Variants in NOL10 observed in about 807,000 individuals in gnomAD.
NOL10 encodes nucleolar protein 10, also known as H_NH0074G24.1.
Under a neutral mutation model 103.5 loss-of-function variants are expected in NOL10, and 58 were observed. That is an observed-to-expected ratio of 0.56 (90% CI 0.45 to 0.70). NOL10 has a LOEUF of 0.70. Ranked by LOEUF, NOL10 falls within the 30% of genes least tolerant of loss-of-function variation. NOL10 has a pLI of 0.00. For missense variants in NOL10, 763 were observed against 807.3 expected (o/e 0.95, Z 0.67); for synonymous variants, 287 against 282.5 (o/e 1.02, Z -0.16).
chr2:10,574,241 C>T (rs6735867), intron 20 of NOL10, among the ~76,000 whole-genome samples: 37,573 of 152,132 alleles, frequency 0.25, 6,455 homozygotes, highest in African/African-American at 0.45. Flanking sequence ...CTCCTTCTAA[C>T]ACTCCCTAGC....
intron 13 of NOL10, chr2:10,622,118 G>A (rs1457147775): frequency 2.1e-6 from 1 of 471,528 alleles, no homozygotes; most frequent in Middle Eastern, 3.2e-4. Flanking sequence ...GCAGACTTTG[G>A]TTTAGAGAAC....
chr2:10,660,688 A>C (rs1680139623), intron 9 of NOL10, among the ~76,000 whole-genome samples: 1 of 152,082 alleles, frequency 6.6e-6, no homozygotes, highest in Non-Finnish European at 1.5e-5. Flanking sequence ...AACCTTTTTA[A>C]CTGGATAGTG....
intron 13 of NOL10, among the ~76,000 whole-genome samples, chr2:10,637,731 C>A (rs897061622): frequency 6.6e-6 from 1 of 152,174 alleles, no homozygotes; most frequent in African/African-American, 2.4e-5. Context: ...ATAGTGTCCT[C>A]TATTTGCGAA....
intron 16 of NOL10, among the ~76,000 whole-genome samples, chr2:10,601,551 T>C (rs79511693): frequency 4.0e-5 from 6 of 151,714 alleles, no homozygotes; most frequent in Non-Finnish European, 8.8e-5. Context: ...CAATGGCTCA[T>C]GACTGTAATC....
At chr2:10,625,462 G>A (rs981074898) in intron 13 of NOL10, among the ~76,000 whole-genome samples, 2 of 152,158 alleles carry the variant, frequency 1.3e-5, no homozygotes, top group Non-Finnish European at 2.9e-5. Context: ...ACATAACCAT[G>A]TACAGACATG....
At chr2:10,627,920 T>C (rs1677583391) in intron 13 of NOL10, among the ~76,000 whole-genome samples, 1 of 151,986 alleles carries the variant, frequency 6.6e-6, no homozygotes, top group Non-Finnish European at 1.5e-5. Flanking sequence ...ATAAAAATAA[T>C]AAAAAATTAA....
chr2:10,663,253 G>C (rs890276985), intron 8 of NOL10, among the ~76,000 whole-genome samples: 3 of 151,914 alleles, frequency 2.0e-5, no homozygotes, highest in Non-Finnish European at 4.4e-5. Flanking sequence ...TGTAATCCCA[G>C]CTACTTGGGA....
chr2:10,614,629 A>G (rs1462389791), intron 13 of NOL10, among the ~76,000 whole-genome samples: 1 of 152,210 alleles, frequency 6.6e-6, no homozygotes, highest in Admixed American at 6.5e-5. Context: ...TATTTCACAT[A>G]GGTTGAAGTC....
intron 8 of NOL10, 48 bp from the exon 9 acceptor site, chr2:10,663,092 C>A: frequency 6.8e-7 from 1 of 1,462,856 alleles, no homozygotes; most frequent in Non-Finnish European, 9.5e-7. Context: ...GAAGGCGGGG[C>A]ATGGTGGCTC....
intron 7 of NOL10, among the ~76,000 whole-genome samples, chr2:10,667,577 A>G (rs982646095): frequency 2.8e-4 from 42 of 152,300 alleles, no homozygotes; most frequent in Admixed American, 5.2e-4. Context: ...CTATTTTTCA[A>G]GGTATTTTCT....
chr2:10,642,146 T>C (rs62127198), intron 13 of NOL10, among the ~76,000 whole-genome samples: 1 of 152,206 alleles, frequency 6.6e-6, no homozygotes, highest in African/African-American at 2.4e-5. Flanking sequence ...GGGCACAAAC[T>C]GGGAGAAAAC....
At chr2:10,677,336 GT>G (rs1323527467) in intron 3 of NOL10, among the ~76,000 whole-genome samples, 3 of 151,564 alleles carry the variant, frequency 2.0e-5, no homozygotes, top group African/African-American at 7.3e-5. Flanking sequence ...CATATTTTAT[GT>G]TATGTATTTC....
At chr2:10,607,428 G>A in intron 13 of NOL10, 117 bp from the exon 14 acceptor site, 1 of 1,142,814 alleles carries the variant, frequency 8.8e-7, no homozygotes, top group Non-Finnish European at 1.2e-6. Flanking sequence ...TCTATCAGAA[G>A]TATTGACAAA....
Position 10,689,947 on chromosome 2 carries a change from T to C in NOL10, c.-86A>G, listed in dbSNP as rs1682522321. The C allele has an allele frequency of 2.3e-6, 3 of 1,319,106 alleles. No individual in the cohort carries two copies. Among genetic ancestry groups the C allele is most frequent in the Admixed American group, 2.2e-5 (1 of 46,066 alleles). The allele number at this position is 1,319,106 out of a possible 1,614,324, so 81.7% of individuals were successfully genotyped here. A position where few individuals can be genotyped will look rare whatever the true frequency, so the allele number is the denominator to read the frequency against. On this transcript the variant is annotated 5_prime_UTR_variant, in exon 1 of 21. Coordinates refer to ENST00000381685, the MANE Select transcript of NOL10 (RefSeq NM_024894.4). ...AATCCCGGGACCTCCGAGCCCCTGC[T>C]CCGCGGCGTGCGGCCGCTGGCGCCG...
At chr2:10,683,274 T>A (rs945227122) in intron 2 of NOL10, among the ~76,000 whole-genome samples, 2 of 152,028 alleles carry the variant, frequency 1.3e-5, no homozygotes, top group African/African-American at 4.8e-5. Context: ...AATGAAAACT[T>A]GTGCACCAAA....
chr2:10,589,492 G>T, intron 18 of NOL10, 86 bp downstream of exon 18: 2 of 1,240,124 alleles, frequency 1.6e-6, no homozygotes, highest in Non-Finnish European at 2.2e-6. Context: ...TACATCTCAA[G>T]TATAATCAAA....
chr2:10,689,922 A>G lies in NOL10; in HGVS notation c.-61T>C. 6.7e-7 allele frequency: 1 copy of G among 1,502,440 alleles called. No individual in the cohort carries two copies. Among genetic ancestry groups the G allele is most frequent in the Middle Eastern group, 1.7e-4 (1 of 5,816 alleles). 93.1% of individuals were successfully genotyped at this position (1,502,440 alleles called of 1,614,324 possible). A position where few individuals can be genotyped will look rare whatever the true frequency, so the allele number is the denominator to read the frequency against. On this transcript the variant is annotated 5_prime_UTR_variant, in exon 1 of 21. Transcript: ENST00000381685. ...TCCCACCAGCGTGCTCGAGCACCGT[A>G]ATCCCGGGACCTCCGAGCCCCTGCT...
intron 13 of NOL10, among the ~76,000 whole-genome samples, chr2:10,610,184 G>C (rs1676475968): frequency 6.6e-6 from 1 of 152,114 alleles, no homozygotes; most frequent in Non-Finnish European, 1.5e-5. Context: ...AAAATAAATT[G>C]TTCCACCTTT....
At chr2:10,572,388 G>C (rs1474116727) in intron 20 of NOL10, among the ~76,000 whole-genome samples, 198 bp from the exon 21 acceptor site, 1 of 152,074 alleles carries the variant, frequency 6.6e-6, no homozygotes. Context: ...GAAACAGCAG[G>C]ACCAAGGCCA....
Sources: gnomAD v4.1 joint callset for allele counts (sites outside exome capture counted in the v4.1 genomes callset) on GRCh38, gnomAD v4.1.1 for gene constraint, MANE v1.5 for transcripts, NCBI Gene and HGNC (gene_info 2026-07-23, HGNC 2026-07-21) for gene names.